TBCK: variants seen among roughly 807,000 people sequenced by gnomAD.
TBCK encodes TBC domain-containing protein kinase-like protein.
In TBCK, 99 loss-of-function variants were observed where a neutral mutation model predicts 113.4. That is an observed-to-expected ratio of 0.87 (90% CI 0.74 to 1.03). The LOEUF (loss-of-function observed/expected upper bound fraction) is 1.03. TBCK is among the 50% of genes least tolerant of loss of function. The probability of loss-of-function intolerance (pLI) is 0.00; values close to 1 mark genes in which losing one functional copy is unlikely to be tolerated. For missense variants in TBCK, 1,045 were observed against 1,061.3 expected (o/e 0.98, Z 0.21); for synonymous variants, 369 against 370.8 (o/e 1.00, Z 0.05).
At chr4:106,112,055 T>G (rs1330160082) in intron 24 of TBCK, among the ~76,000 whole-genome samples, 2 of 152,146 alleles carry the variant, frequency 1.3e-5, no homozygotes, top group Non-Finnish European at 2.9e-5. Context: ...CAATTATTTG[T>G]TTTTCCCACT....
intron 2 of TBCK, among the ~76,000 whole-genome samples, chr4:106,304,594 T>G (rs1767306838): frequency 6.6e-6 from 1 of 152,118 alleles, no homozygotes; most frequent in South Asian, 2.1e-4. Context: ...AAATTTATAG[T>G]CCAACTAAAA....
intron 24 of TBCK, among the ~76,000 whole-genome samples, chr4:106,113,977 T>C (rs548096365): frequency 6.6e-6 from 1 of 152,268 alleles, no homozygotes; most frequent in East Asian, 1.9e-4. Flanking sequence ...ACGGCACACA[T>C]TGGACTAAGA....
intron 25 of TBCK, among the ~76,000 whole-genome samples, chr4:106,073,402 G>A (rs1422277701): frequency 6.6e-6 from 1 of 152,162 alleles, no homozygotes. Flanking sequence ...TCCAGACCCT[G>A]TTTGCCTGGG....
intron 23 of TBCK, among the ~76,000 whole-genome samples, chr4:106,158,235 A>C (rs1749346970): frequency 6.6e-6 from 1 of 152,120 alleles, no homozygotes; most frequent in African/African-American, 2.4e-5. Flanking sequence ...ATGAGAATGG[A>C]TGCAGAGAGA....
chr4:106,244,834 A>T, intron 10 of TBCK, 70 bp from the exon 11 acceptor site: 9 of 896,200 alleles, frequency 1.0e-5, no homozygotes, highest in South Asian at 2.2e-5. Flanking sequence ...ACAGGCAGTA[A>T]TAGCTGCCAT....
At chr4:106,101,752 A>C (rs1741582898) in intron 24 of TBCK, among the ~76,000 whole-genome samples, 1 of 152,190 alleles carries the variant, frequency 6.6e-6, no homozygotes, top group Non-Finnish European at 1.5e-5. Context: ...ACATTCCTTT[A>C]AAGTATTGCT....
At chr4:106,189,990 T>C (rs2149803071) in intron 22 of TBCK, among the ~76,000 whole-genome samples, 1 of 152,320 alleles carries the variant, frequency 6.6e-6, no homozygotes, top group South Asian at 2.1e-4. Flanking sequence ...AATATTATCT[T>C]AGGTATCATT....
At chr4:106,074,926 T>TA (rs1737988888) in intron 25 of TBCK, among the ~76,000 whole-genome samples, 1 of 152,132 alleles carries the variant, frequency 6.6e-6, no homozygotes, top group Non-Finnish European at 1.5e-5. Context: ...AAATATTCTG[T>TA]CCCCATTCTC....
intron 25 of TBCK, among the ~76,000 whole-genome samples, chr4:106,093,393 G>A (rs1297943905): frequency 6.6e-6 from 1 of 152,152 alleles, no homozygotes; most frequent in Admixed American, 6.5e-5. Context: ...TGTAGTGCCA[G>A]CTACTCGGGA....
rs28621384 is a variant in TBCK, at chr4:106,117,932, C to T, written c.2236-1554G>A. ...GCTGAGACAGGAGAATGGCGTGAAC[C>T]CGGGAGGCGGAGCTTGCAGTGAGCC... On this transcript the variant is annotated intron_variant, in intron 23 of 25. Transcript: ENST00000394708. 3.1e-3 allele frequency among the ~76,000 whole-genome samples: 476 copies of T among 151,692 alleles called. 3 individuals carry two copies. The highest frequency in any genetic ancestry group is 8.5e-3 in the African/African-American group (350 of 41,378).
At chr4:106,104,189 G>A (rs913637333) in intron 24 of TBCK, among the ~76,000 whole-genome samples, 6 of 152,170 alleles carry the variant, frequency 3.9e-5, no homozygotes, top group South Asian at 4.1e-4. Context: ...GTACATACCC[G>A]TAGGAAAGAG....
At chr4:106,157,416 C>T (rs1749256993) in intron 23 of TBCK, among the ~76,000 whole-genome samples, 1 of 151,988 alleles carries the variant, frequency 6.6e-6, no homozygotes, top group South Asian at 2.1e-4. Context: ...ACTAGGACTC[C>T]CCAAGAGTTG....
intron 23 of TBCK, among the ~76,000 whole-genome samples, chr4:106,117,514 C>T (rs1743670584): frequency 6.6e-6 from 1 of 152,156 alleles, no homozygotes; most frequent in Non-Finnish European, 1.5e-5. Context: ...GGCTATCAAA[C>T]CCATCCATTG....
chr4:106,212,962 ATTTTG>A, intron 19 of TBCK, 127 bp from the exon 20 acceptor site: 2 of 631,324 alleles, frequency 3.2e-6, no homozygotes, highest in South Asian at 4.7e-5. Flanking sequence ...TTACGTGATA[ATTTTG>A]TTTTGTTACT....
rs772271115 is a variant in TBCK at position 106,171,113 on chromosome 4, A to C, written c.2217T>G (p.Asp739Glu). The part of the protein sequence containing the change: ...SAPYFSAECP[D>E]PPKTDLSRES... Reference sequence around the variant, plus strand: ...TACATACCAGATCTGTCTTTGGAGGATCTGGACACTCAGCAGAGAAATAAG... The same window carrying C: ...TACATACCAGATCTGTCTTTGGAGGCTCTGGACACTCAGCAGAGAAATAAG... The change falls in exon 23 of 26, where the codon GAT becomes GAG. Residue 739 changes from aspartate (D) to glutamate (E), a missense_variant. By Grantham distance (45) the Asp-to-Glu change is conservative (BLOSUM62 2). Transcript: ENST00000394708. The C allele has an allele frequency of 1.9e-5, 30 of 1,609,452 alleles. No homozygotes were observed. The highest frequency in any genetic ancestry group is 2.5e-5 in the Non-Finnish European group (29 of 1,178,574).
At chr4:106,304,387 C>T (rs1322224038) in intron 2 of TBCK, among the ~76,000 whole-genome samples, 1 of 152,116 alleles carries the variant, frequency 6.6e-6, no homozygotes, top group Non-Finnish European at 1.5e-5. Flanking sequence ...GATCCTCATA[C>T]CAAATAAATT....
At position 106,198,615 on chromosome 4, in the gene TBCK, T is replaced by G. The variant is rs1215080290; in HGVS notation, c.1861-3861A>C. ...TTTTATGATACCTATCCCACTATGCTTTGTATCATATATAATATAGTTGTA... is the reference window on the plus strand; with the variant it reads ...TTTTATGATACCTATCCCACTATGCGTTGTATCATATATAATATAGTTGTA... On this transcript the variant is annotated intron_variant, in intron 20 of 25. Coordinates refer to ENST00000394708, the MANE Select transcript of TBCK (RefSeq NM_001163435.3). 2.0e-5 allele frequency among the ~76,000 whole-genome samples: 3 copies of G among 152,128 alleles called. No individual in the cohort carries two copies. In the East Asian group the frequency reaches 5.8e-4, roughly 29 times the overall value.
At chr4:106,133,893 C>A (rs1375615510) in intron 23 of TBCK, among the ~76,000 whole-genome samples, 1 of 152,068 alleles carries the variant, frequency 6.6e-6, no homozygotes, top group Non-Finnish European at 1.5e-5. Flanking sequence ...GCCTGTAATA[C>A]CAGCTACTCA....
intron 20 of TBCK, among the ~76,000 whole-genome samples, chr4:106,202,615 G>A (rs559573043): frequency 1.4e-4 from 21 of 152,092 alleles, no homozygotes; most frequent in African/African-American, 5.1e-4. Context: ...ACAATTACTG[G>A]ACTAATCAGA....
Sources: gnomAD v4.1 joint callset for allele counts (sites outside exome capture counted in the v4.1 genomes callset) on GRCh38, gnomAD v4.1.1 for gene constraint, MANE v1.5 for transcripts, NCBI Gene and HGNC (gene_info 2026-07-23, HGNC 2026-07-21) for gene names.